Variants in CSMD1 observed in about 807,000 individuals in gnomAD.
CSMD1 encodes CUB and sushi domain-containing protein 1.
Under a neutral mutation model 417.5 loss-of-function variants are expected in CSMD1, and 213 were observed. The ratio of observed to expected loss-of-function variants is 0.51; its 90% CI spans 0.46 to 0.57. The LOEUF is 0.57. Ranked by LOEUF, CSMD1 falls within the 20% of genes least tolerant of loss-of-function variation. The probability of loss-of-function intolerance (pLI) is 0.00; values close to 1 mark genes in which losing one functional copy is unlikely to be tolerated. For missense variants in CSMD1, 6,923 were observed against 4,529.7 expected (o/e 1.53, Z -15.17); for synonymous variants, 2,862 against 1,736.8 (o/e 1.65, Z -16.11).
intron 3 of CSMD1, among the ~76,000 whole-genome samples, chr8:4,073,718 T>C (rs1401979986): frequency 1.3e-5 from 2 of 152,156 alleles, no homozygotes; most frequent in Non-Finnish European, 2.9e-5. Context: ...AATATTGACT[T>C]GTATAGACAC....
intron 5 of CSMD1, among the ~76,000 whole-genome samples, chr8:3,768,851 T>C (rs530039515): frequency 6.6e-6 from 1 of 152,294 alleles, no homozygotes; most frequent in African/African-American, 2.4e-5. Context: ...AAAGAAAAAA[T>C]GCACAGGCTC....
chr8:4,990,993 C>A (rs1250794773), intron 1 of CSMD1, among the ~76,000 whole-genome samples: 1 of 152,084 alleles, frequency 6.6e-6, no homozygotes, highest in Admixed American at 6.5e-5. Flanking sequence ...CTTTCTCTTT[C>A]GGGCTTCTCA....
At chr8:4,584,624 G>C (rs529734329) in intron 2 of CSMD1, among the ~76,000 whole-genome samples, 2 of 152,008 alleles carry the variant, frequency 1.3e-5, no homozygotes, top group Non-Finnish European at 2.9e-5. Flanking sequence ...ATGCAGCTCC[G>C]GGGTCCCAAC....
intron 1 of CSMD1, among the ~76,000 whole-genome samples, chr8:4,982,125 T>C (rs1000725099): frequency 3.9e-5 from 6 of 152,184 alleles, no homozygotes; most frequent in African/African-American, 7.2e-5. Context: ...CAGCCAACAC[T>C]TGATGGCTGC....
rs1293962895 is a variant in CSMD1, at chr8:4,577,973, T to A, written c.302+59369A>T. Among the ~76,000 whole-genome samples the A allele has an allele frequency of 2.6e-5, 4 of 152,310 alleles. No individual in the cohort carries two copies. The East Asian group carries it at 7.7e-4, about 29-fold the overall frequency. ...AGAAAAATGACATGGGTCTGGTTTCTATGTAAATTTTGGACTTTCGGGGAT... is the reference window on the plus strand; with the variant it reads ...AGAAAAATGACATGGGTCTGGTTTCAATGTAAATTTTGGACTTTCGGGGAT... On this transcript the variant is annotated intron_variant, in intron 2 of 69. Transcript: ENST00000635120.
intron 11 of CSMD1, 181 bp from the exon 12 acceptor site, chr8:3,469,005 G>T (rs1369294633): frequency 2.2e-6 from 1 of 452,028 alleles, no homozygotes; most frequent in East Asian, 3.5e-5. Context: ...CACTATCACT[G>T]GTGCTTTACA....
At chr8:4,220,823 G>T (rs146097741) in intron 3 of CSMD1, among the ~76,000 whole-genome samples, 67 of 152,304 alleles carry the variant, frequency 4.4e-4, no homozygotes, top group Non-Finnish European at 7.8e-4. Context: ...AAGACACCAT[G>T]GGGCTGAGTG....
intron 7 of CSMD1, among the ~76,000 whole-genome samples, chr8:3,621,489 G>T (rs1000781072): frequency 6.6e-6 from 1 of 152,096 alleles, no homozygotes; most frequent in African/African-American, 2.4e-5. Context: ...GTACTTCAGC[G>T]GAGTATGATG....
chr8:4,094,279 G>A (rs1313906169), intron 3 of CSMD1, among the ~76,000 whole-genome samples: 1 of 152,120 alleles, frequency 6.6e-6, no homozygotes, highest in Non-Finnish European at 1.5e-5. Flanking sequence ...TACTGGGGGA[G>A]GCGGTAGGGA....
intron 3 of CSMD1, among the ~76,000 whole-genome samples, chr8:4,392,362 G>C (rs1228300083): frequency 3.3e-5 from 5 of 152,128 alleles, no homozygotes; most frequent in African/African-American, 9.7e-5. Flanking sequence ...AGGAGGAGCA[G>C]TAAAGAGAAA....
intron 2 of CSMD1, among the ~76,000 whole-genome samples, chr8:4,467,642 GT>G (rs1800264729): frequency 6.6e-6 from 1 of 152,090 alleles, no homozygotes; most frequent in South Asian, 2.1e-4. Context: ...GAAATATCTT[GT>G]TTTACCTTTC....
rs1210037577 is a variant in CSMD1, at chr8:4,181,369, T to TTA, written c.416-149271_416-149270insTA. 3.7e-3 allele frequency among the ~76,000 whole-genome samples: 557 copies of TTA among 149,724 alleles called. 4 individuals carry two copies. The highest frequency in any genetic ancestry group is 0.013 in the African/African-American group (515 of 39,724). Reference sequence around the variant, plus strand: ...TACGGTTTCTCATTTATTTATTTATTTTTTTTTTGAATGCTTAAACTATAA... The same window carrying TTA: ...TACGGTTTCTCATTTATTTATTTATTTATTTTTTTTGAATGCTTAAACTATAA... On this transcript the variant is annotated intron_variant, in intron 3 of 69. Coordinates refer to ENST00000635120, the MANE Select transcript of CSMD1 (RefSeq NM_033225.6).
chr8:4,408,350 A>G (rs1274082503), intron 3 of CSMD1, among the ~76,000 whole-genome samples: 1 of 152,228 alleles, frequency 6.6e-6, no homozygotes, highest in Non-Finnish European at 1.5e-5. Context: ...AGCTGTCTGG[A>G]AAGGGCGTAT....
intron 26 of CSMD1, among the ~76,000 whole-genome samples, chr8:3,272,523 G>C (rs1214020361): frequency 7.1e-6 from 1 of 140,938 alleles, no homozygotes. Flanking sequence ...ACTTTGGGCA[G>C]TATGGCCATT....
intron 3 of CSMD1, among the ~76,000 whole-genome samples, chr8:4,041,074 T>G (rs1254048920): frequency 6.4e-5 from 9 of 139,714 alleles, no homozygotes; most frequent in African/African-American, 1.6e-4. Flanking sequence ...TGGAGTGCAG[T>G]GGCGCGATCT....
chr8:3,164,123 GAA>G (rs953117356), intron 37 of CSMD1, among the ~76,000 whole-genome samples: 1 of 152,170 alleles, frequency 6.6e-6, no homozygotes, highest in Non-Finnish European at 1.5e-5. Flanking sequence ...TGGAGAGAGA[GAA>G]GTGTCTTCAT....
chr8:4,667,347 T>C (rs1338474437), intron 1 of CSMD1, among the ~76,000 whole-genome samples: 1 of 152,182 alleles, frequency 6.6e-6, no homozygotes, highest in African/African-American at 2.4e-5. Flanking sequence ...ATTCTCTGCT[T>C]TTCTGCAAAC....
chr8:4,401,323 A>AG (rs1179908954), intron 3 of CSMD1, among the ~76,000 whole-genome samples: 3 of 152,228 alleles, frequency 2.0e-5, no homozygotes, highest in Non-Finnish European at 4.4e-5. Flanking sequence ...GAATAAAATT[A>AG]AGTGTGCTCC....
At chr8:3,078,968 CG>C (rs60996373) in intron 49 of CSMD1, among the ~76,000 whole-genome samples, 9 of 151,924 alleles carry the variant, frequency 5.9e-5, no homozygotes, top group Admixed American at 5.2e-4. Flanking sequence ...TCCTTCAAAA[CG>C]GGGGGGAGCA....
Sources: allele counts gnomAD v4.1 joint callset (sites outside exome capture counted in the v4.1 genomes callset), GRCh38; gene constraint gnomAD v4.1.1; transcripts MANE v1.5; gene names NCBI Gene and HGNC (gene_info 2026-07-23, HGNC 2026-07-21).